The following IL1RAPL1 variants were observed in gnomAD, a reference collection of about 807,000 sequenced individuals.
IL1RAPL1 encodes the protein interleukin 1 receptor accessory protein like 1.
In IL1RAPL1, 3 loss-of-function variants were observed where a neutral mutation model predicts 48.4. The observed-to-expected ratio is 0.06, with a 90% CI of 0.03 to 0.16. The LOEUF (loss-of-function observed/expected upper bound fraction) is 0.16. IL1RAPL1 is among the 10% of genes least tolerant of loss of function. The probability of loss-of-function intolerance (pLI) is 1.00; values close to 1 mark genes in which losing one functional copy is unlikely to be tolerated. For synonymous variants in IL1RAPL1, 185 were observed against 187.7 expected (o/e 0.99, Z 0.12); for missense variants, 349 against 530.6 (o/e 0.66, Z 3.36).
intron 2 of IL1RAPL1, among the ~76,000 whole-genome samples, chrX:29,180,024 T>C (rs924176003): frequency 1.2e-5 from 1 of 80,773 alleles, no homozygotes; most frequent in Non-Finnish European, 2.7e-5. Flanking sequence ...TTCATAATCT[T>C]TGAAGGAAAT....
Position 28,892,598 on chromosome X carries a change from G to GA in IL1RAPL1, c.82+103178dup, listed in dbSNP as rs1373179485. On this transcript the variant is annotated intron_variant, in intron 2 of 10. Coordinates refer to ENST00000378993, the MANE Select transcript of IL1RAPL1 (RefSeq NM_014271.4). The stretch of plus-strand genomic sequence containing the variant: ...CATTCCTGTCTTCTTATATTAATAA[G>GA]AAAAATAAAACAAAACAGTGTTGAA... Among the ~76,000 whole-genome samples, 6 of 111,043 alleles carry GA rather than the reference G, an allele frequency of 5.4e-5. No homozygotes were observed. The East Asian group carries it at 1.7e-3, about 31-fold the overall frequency.
At chrX:28,685,179 T>C (rs1935097898) in intron 1 of IL1RAPL1, among the ~76,000 whole-genome samples, 1 of 112,458 alleles carries the variant, frequency 8.9e-6, no homozygotes, top group Non-Finnish European at 1.9e-5. Flanking sequence ...GAATCAACAA[T>C]CTTCTTTCCC....
At chrX:28,995,913 T>G (rs1602001804) in intron 2 of IL1RAPL1, among the ~76,000 whole-genome samples, 1 of 109,976 alleles carries the variant, frequency 9.1e-6, no homozygotes, top group East Asian at 2.8e-4. Flanking sequence ...AAAAGGCTCA[T>G]TCTTAAAAAA....
chrX:29,109,982 T>G (rs1239023404), intron 2 of IL1RAPL1, among the ~76,000 whole-genome samples: 1 of 112,235 alleles, frequency 8.9e-6, no homozygotes, highest in Non-Finnish European at 1.9e-5. Context: ...CCATTTTGTC[T>G]AAGATGTACC....
chrX:29,272,287 C>A (rs769401502), intron 2 of IL1RAPL1, among the ~76,000 whole-genome samples: 1 of 111,552 alleles, frequency 9.0e-6, no homozygotes, highest in Admixed American at 9.6e-5. Context: ...CAGTGCCATG[C>A]TGTTTTGGTT....
At chrX:29,309,801 TA>T (rs1288522062) in intron 3 of IL1RAPL1, among the ~76,000 whole-genome samples, 26 of 77,197 alleles carry the variant, frequency 3.4e-4, no homozygotes, top group Non-Finnish European at 5.0e-4. Context: ...AGACACTGTC[TA>T]AAAAAAAAAC....
At chrX:29,364,808 A>T (rs761884154) in intron 3 of IL1RAPL1, among the ~76,000 whole-genome samples, 1 of 110,867 alleles carries the variant, frequency 9.0e-6, no homozygotes, top group Non-Finnish European at 1.9e-5. Flanking sequence ...TATAACAGGG[A>T]CTTGAACATC....
At chrX:29,186,601 G>T (rs1485977073) in intron 2 of IL1RAPL1, among the ~76,000 whole-genome samples, 1 of 111,050 alleles carries the variant, frequency 9.0e-6, no homozygotes, top group South Asian at 3.8e-4. Context: ...AAGTTACCAC[G>T]GTTGCAGGAA....
At chrX:29,066,166 T>C (rs1301345108) in intron 2 of IL1RAPL1, among the ~76,000 whole-genome samples, 1 of 112,278 alleles carries the variant, frequency 8.9e-6, no homozygotes, top group Non-Finnish European at 1.9e-5. Context: ...GATACTGATA[T>C]CCCCTAATCT....
intron 3 of IL1RAPL1, among the ~76,000 whole-genome samples, chrX:29,361,113 C>T (rs1933369946): frequency 9.0e-6 from 1 of 111,638 alleles, no homozygotes; most frequent in Admixed American, 9.6e-5. Context: ...TATCTGAAAC[C>T]TAGCCAACCA....
chrX:29,278,606 G>C (rs1932153068), intron 2 of IL1RAPL1, among the ~76,000 whole-genome samples: 1 of 112,059 alleles, frequency 8.9e-6, no homozygotes, highest in Non-Finnish European at 1.9e-5. Context: ...AACAGATTAA[G>C]TACTACCAGC....
intron 2 of IL1RAPL1, among the ~76,000 whole-genome samples, chrX:28,840,797 C>T (rs1371693343): frequency 1.8e-5 from 2 of 110,394 alleles, no homozygotes; most frequent in Non-Finnish European, 3.8e-5. Context: ...GAGACTAGAA[C>T]CCCTGGAAGC....
intron 5 of IL1RAPL1, among the ~76,000 whole-genome samples, chrX:29,510,527 A>G (rs769178138): frequency 8.9e-6 from 1 of 112,074 alleles, no homozygotes; most frequent in African/African-American, 3.2e-5. Context: ...GACCATACAT[A>G]TACTTGCATA....
At chrX:28,864,139 C>T (rs895480834) in intron 2 of IL1RAPL1, among the ~76,000 whole-genome samples, 1 of 111,699 alleles carries the variant, frequency 9.0e-6, no homozygotes, top group Non-Finnish European at 1.9e-5. Context: ...CAATTATGTT[C>T]TACTGGGATA....
intron 3 of IL1RAPL1, among the ~76,000 whole-genome samples, chrX:29,355,680 T>C (rs941867334): frequency 8.9e-6 from 1 of 112,055 alleles, no homozygotes; most frequent in Non-Finnish European, 1.9e-5. Context: ...TGAGGAAGTA[T>C]GGCATAGGGC....
chrX:28,942,821 TA>T (rs935671919), intron 2 of IL1RAPL1, among the ~76,000 whole-genome samples: 7 of 110,485 alleles, frequency 6.3e-5, no homozygotes, highest in African/African-American at 2.3e-4. Context: ...ATAAGGAAGA[TA>T]TTTTTAACAT....
At chrX:28,946,397 G>A (rs898080236) in intron 2 of IL1RAPL1, among the ~76,000 whole-genome samples, 2 of 110,464 alleles carry the variant, frequency 1.8e-5, no homozygotes, top group Non-Finnish European at 3.8e-5. Flanking sequence ...TTGTCATCTA[G>A]GCACTGCCAT....
intron 3 of IL1RAPL1, among the ~76,000 whole-genome samples, chrX:29,336,553 C>T (rs1569289528): frequency 2.7e-5 from 3 of 109,535 alleles, no homozygotes; most frequent in Admixed American, 9.9e-5. Flanking sequence ...CACTCCTATG[C>T]CAAAAGACGT....
chrX:29,237,003 C>T (rs982469814), intron 2 of IL1RAPL1, among the ~76,000 whole-genome samples: 1 of 110,804 alleles, frequency 9.0e-6, no homozygotes, highest in African/African-American at 3.3e-5. Flanking sequence ...TCAAACCATT[C>T]CTTGCAGTAA....
Sources: allele counts gnomAD v4.1 joint callset (sites outside exome capture counted in the v4.1 genomes callset), GRCh38; gene constraint gnomAD v4.1.1; transcripts MANE v1.5; gene names NCBI Gene and HGNC (gene_info 2026-07-23, HGNC 2026-07-21).